PCDHGB3: variants seen among roughly 807,000 people sequenced by gnomAD.
PCDHGB3 encodes the protein protocadherin gamma-B3.
A neutral mutation model predicts 59.2 loss-of-function variants in PCDHGB3; 40 were observed. The observed-to-expected ratio is 0.68, with a 90% confidence interval of 0.52 to 0.88. PCDHGB3 has a LOEUF of 0.88. Ranked by LOEUF, PCDHGB3 falls within the 40% of genes least tolerant of loss-of-function variation. The pLI, the probability that PCDHGB3 is intolerant of heterozygous loss-of-function variation, is 0.00. For missense variants in PCDHGB3, 1,309 were observed against 1,187.9 expected (o/e 1.10, Z -1.50); for synonymous variants, 581 against 503.6 (o/e 1.15, Z -2.06).
Position 141,372,068 on chromosome 5 carries a change from T to C in PCDHGB3, c.1674T>C (p.Asn558=), listed in dbSNP as rs770870533. 3.1e-6 allele frequency: 5 copies of C among 1,613,630 alleles called. No individual in the cohort carries two copies. The highest frequency in any genetic ancestry group is 1.7e-6 in the Non-Finnish European group (2 of 1,179,846). ...LRVLVDDRND[N]APLVLYPALG... ...TGTTGGTGGACGACCGCAACGACAA[T>C]GCACCGCTGGTGCTGTACCCAGCTC... Residue 558 remains asparagine (N), a synonymous_variant, in exon 1 of 4, where the codon AAT becomes AAC. Transcript: ENST00000576222.
chr5:141,495,818 GTTC>G (rs2099764072), intron 2 of PCDHGB3, among the ~76,000 whole-genome samples: 1 of 151,904 alleles, frequency 6.6e-6, no homozygotes, highest in South Asian at 2.1e-4. Context: ...AGCGCCTTGT[GTTC>G]TTCTATCCCC....
chr5:141,375,953 G>A (rs752339386), intron 1 of PCDHGB3: 1 of 1,613,498 alleles, frequency 6.2e-7, no homozygotes, highest in African/African-American at 1.3e-5. Context: ...CCTGCACACG[G>A]GCGAGGTGCG....
At chr5:141,393,890 T>C (rs1207998765) in intron 1 of PCDHGB3, 2 of 1,613,958 alleles carry the variant, frequency 1.2e-6, no homozygotes, top group South Asian at 2.2e-5. Flanking sequence ...TGTTAGAAAA[T>C]TCTCTTCCCG....
rs1332743231 is a variant in PCDHGB3 at position 141,432,967 on chromosome 5, G to A, written c.2415+60158G>A. 4 of 1,614,192 alleles carry A rather than the reference G, an allele frequency of 2.5e-6. No homozygotes were observed. In the East Asian group the frequency reaches 6.7e-5, roughly 27 times the overall value. On this transcript the variant is annotated intron_variant, in intron 1 of 3. Coordinates refer to ENST00000576222, the MANE Select transcript of PCDHGB3 (RefSeq NM_018924.5). The surrounding 1 kb of genome is among the most constrained non-coding windows in gnomAD (Gnocchi z 6.0). The stretch of plus-strand genomic sequence containing the variant: ...CAGGAGGCGGCTTGACAGGAGCGCC[G>A]GCGTCGCACTTTGTGGGCGTGGACG...
intron 1 of PCDHGB3, chr5:141,413,386 GTC>G: frequency 6.2e-7 from 1 of 1,614,002 alleles, no homozygotes; most frequent in Non-Finnish European, 8.5e-7. Context: ...AGTCCGCATA[GTC>G]TCCAGAGGTA....
chr5:141,511,144 A>C lies in PCDHGB3; in HGVS notation c.2761A>C (p.Lys921Gln). 2 of 1,614,202 alleles carry C rather than the reference A, an allele frequency of 1.2e-6. No homozygotes were observed. The highest frequency in any genetic ancestry group is 1.7e-6 in the Non-Finnish European group (2 of 1,180,016). The change falls in exon 4 of 4, where the codon AAG becomes CAG. Residue 921 changes from lysine to glutamine, a missense_variant. By Grantham distance (53) the Lys-to-Gln change is moderately conservative. Transcript: ENST00000576222. Reference sequence around the variant, plus strand: ...CCCAGCAGGTGGCAATGGCAACAAGAAGAAGTCGGGCAAGAAGGAGAAGAA... The same window carrying C: ...CCCAGCAGGTGGCAATGGCAACAAGCAGAAGTCGGGCAAGAAGGAGAAGAA... ...KAPAGGNGNK[K>Q]KSGKKEKK
At chr5:141,464,000 T>C (rs1045842127) in intron 1 of PCDHGB3, among the ~76,000 whole-genome samples, 15 of 152,158 alleles carry the variant, frequency 9.9e-5, no homozygotes, top group Non-Finnish European at 1.3e-4. Context: ...GTGCAGTGGC[T>C]CATGCTTGTA....
At chr5:141,376,323 G>T in intron 1 of PCDHGB3, 1 of 1,614,162 alleles carries the variant, frequency 6.2e-7, no homozygotes, top group South Asian at 1.1e-5. Flanking sequence ...GAAGGGGTTC[G>T]GGCTTTCCTG....
chr5:141,375,025 TTA>T (rs778119379), intron 1 of PCDHGB3: 2 of 1,614,042 alleles, frequency 1.2e-6, no homozygotes, highest in East Asian at 4.5e-5. Flanking sequence ...ACTCGAGTTT[TTA>T]TGAGCTGGGT....
chr5:141,413,090 C>T, intron 1 of PCDHGB3: 1 of 1,391,312 alleles, frequency 7.2e-7, no homozygotes, highest in South Asian at 1.4e-5. Flanking sequence ...ACAGAGACAC[C>T]CTGAAGCCAC....
intron 1 of PCDHGB3, among the ~76,000 whole-genome samples, chr5:141,463,542 G>A (rs1376087953): frequency 7.1e-6 from 1 of 141,810 alleles, no homozygotes; most frequent in African/African-American, 2.6e-5. Context: ...TCCGGCTCCC[G>A]GGTTCATGCC....
chr5:141,435,444 A>G (rs1471113812), intron 1 of PCDHGB3, among the ~76,000 whole-genome samples: 1 of 152,216 alleles, frequency 6.6e-6, no homozygotes, highest in East Asian at 1.9e-4. Flanking sequence ...TTTCATTAAT[A>G]CGATATCTGT....
At chr5:141,410,903 G>C (rs191165984) in intron 1 of PCDHGB3, 2 of 276,978 alleles carry the variant, frequency 7.2e-6, no homozygotes, top group South Asian at 4.9e-5. Context: ...GCCTAGGCTG[G>C]AGTGCAGTGG....
Position 141,421,691 on chromosome 5 carries a change from T to A in PCDHGB3, c.2415+48882T>A, listed in dbSNP as rs1175919580. ...GCAATTCCTGGGGCGCGATTTGCTC[T>A]TCCTAATGCTAGGGATCCAGATGTG... On this transcript the variant is annotated intron_variant, in intron 1 of 3. Coordinates refer to ENST00000576222, the MANE Select transcript of PCDHGB3 (RefSeq NM_018924.5). 6.2e-7 allele frequency: 1 copy of A among 1,613,816 alleles called. No individual in the cohort carries two copies. The highest frequency in any genetic ancestry group is 1.3e-5 in the African/African-American group (1 of 74,938).
chr5:141,470,768 G>T (rs2099239559), intron 1 of PCDHGB3, among the ~76,000 whole-genome samples: 1 of 152,142 alleles, frequency 6.6e-6, no homozygotes, highest in South Asian at 2.1e-4. Context: ...ACTCACTACA[G>T]TCTTGAATTC....
chr5:141,497,384 A>G (rs2099776099), intron 2 of PCDHGB3, among the ~76,000 whole-genome samples: 1 of 151,900 alleles, frequency 6.6e-6, no homozygotes, highest in African/African-American at 2.4e-5. Context: ...TGGGGTGAGC[A>G]CCTTACCCCT....
intron 1 of PCDHGB3, among the ~76,000 whole-genome samples, chr5:141,482,104 AAT>A (rs1452930297): frequency 2.7e-5 from 4 of 150,286 alleles, no homozygotes; most frequent in Non-Finnish European, 5.9e-5. Context: ...AAAAAAAAAA[AAT>A]ATCTAGAGAT....
At chr5:141,502,767 C>T (rs970206343) in intron 2 of PCDHGB3, among the ~76,000 whole-genome samples, 1 of 151,756 alleles carries the variant, frequency 6.6e-6, no homozygotes, top group East Asian at 1.9e-4. Flanking sequence ...TGCTGGTATT[C>T]TTCTGAAAAT....
At chr5:141,396,934 G>A (rs1037377516) in intron 1 of PCDHGB3, among the ~76,000 whole-genome samples, 2 of 152,186 alleles carry the variant, frequency 1.3e-5, no homozygotes. Flanking sequence ...GATGAAAGTT[G>A]CCCTGGTAGG....
Sources: allele counts gnomAD v4.1 joint callset (sites outside exome capture counted in the v4.1 genomes callset), GRCh38; gene constraint gnomAD v4.1.1; non-coding constraint Gnocchi (gnomAD v3.1); transcripts MANE v1.5; gene names NCBI Gene and HGNC (gene_info 2026-07-23, HGNC 2026-07-21).